The following KCNN2 variants were observed in gnomAD, a reference collection of about 807,000 sequenced individuals.
KCNN2 encodes small conductance calcium-activated potassium channel protein 2.
A neutral mutation model predicts 55.5 loss-of-function variants in KCNN2; 24 were observed. The observed-to-expected ratio is 0.43, with a 90% CI of 0.31 to 0.61. The LOEUF (loss-of-function observed/expected upper bound fraction) is 0.61. Among genes scored for constraint, KCNN2 ranks in the 20% least tolerant of loss-of-function variants. KCNN2 has a pLI of 0.08. For synonymous variants in KCNN2, 431 were observed against 336.1 expected (o/e 1.28, Z -3.09); for missense variants, 754 against 853.6 (o/e 0.88, Z 1.45).
intron 3 of KCNN2, among the ~76,000 whole-genome samples, chr5:114,456,927 G>C (rs72801852): frequency 0.27 from 40,853 of 152,110 alleles, 6,412 homozygotes; most frequent in East Asian, 0.6. Context: ...CAAATAAACT[G>C]TTTCTTGAGA....
intron 1 of KCNN2, among the ~76,000 whole-genome samples, chr5:114,211,101 C>T (rs1000592096): frequency 1.3e-5 from 2 of 152,082 alleles, no homozygotes; most frequent in African/African-American, 4.8e-5. Context: ...GACACTTATT[C>T]ACTGTTGGTG....
chr5:114,150,247 A>G (rs963869978), intron 1 of KCNN2, among the ~76,000 whole-genome samples: 1 of 152,142 alleles, frequency 6.6e-6, no homozygotes, highest in Non-Finnish European at 1.5e-5. Context: ...ACTTCAAACT[A>G]TACTACAAGG....
intron 1 of KCNN2, among the ~76,000 whole-genome samples, chr5:114,080,316 A>G (rs184608238): frequency 2.6e-5 from 4 of 152,338 alleles, no homozygotes; most frequent in Non-Finnish European, 4.4e-5. Context: ...TCCTAGCTTT[A>G]CAAAATGAGT....
intron 1 of KCNN2, among the ~76,000 whole-genome samples, chr5:114,106,916 G>A (rs1295438814): frequency 6.6e-6 from 1 of 151,890 alleles, no homozygotes; most frequent in East Asian, 1.9e-4. Flanking sequence ...TATGCTTGAT[G>A]CTATTTCTGT....
At chr5:114,384,004 TG>T (rs1758205358) in intron 2 of KCNN2, among the ~76,000 whole-genome samples, 1 of 152,188 alleles carries the variant, frequency 6.6e-6, no homozygotes, top group Non-Finnish European at 1.5e-5. Flanking sequence ...TCATCTACAT[TG>T]TAGTTCTTAT....
intron 1 of KCNN2, among the ~76,000 whole-genome samples, chr5:114,129,720 C>T (rs1752033079): frequency 6.6e-6 from 1 of 152,196 alleles, no homozygotes; most frequent in Non-Finnish European, 1.5e-5. Context: ...TATTGTGTGG[C>T]AGCAACCCAA....
chr5:114,132,168 C>T (rs1752084529), intron 1 of KCNN2, among the ~76,000 whole-genome samples: 1 of 152,154 alleles, frequency 6.6e-6, no homozygotes, highest in East Asian at 1.9e-4. Context: ...GCTTTTGTTG[C>T]AATTGCTTTT....
At chr5:114,167,153 C>G (rs1361143600) in intron 1 of KCNN2, among the ~76,000 whole-genome samples, 1 of 152,150 alleles carries the variant, frequency 6.6e-6, no homozygotes, top group Non-Finnish European at 1.5e-5. Flanking sequence ...AGTGAACTTT[C>G]AGATGATTTC....
intron 2 of KCNN2, among the ~76,000 whole-genome samples, chr5:114,339,209 A>G (rs767638654): frequency 2.6e-5 from 4 of 152,188 alleles, no homozygotes; most frequent in Admixed American, 1.3e-4. Flanking sequence ...CAAGCTGAGG[A>G]GTTGTGGCCC....
intron 1 of KCNN2, among the ~76,000 whole-genome samples, chr5:114,209,701 C>A (rs1002030005): frequency 6.6e-6 from 1 of 152,086 alleles, no homozygotes; most frequent in African/African-American, 2.4e-5. Flanking sequence ...AACTTTATAT[C>A]CAGGATTCCA....
chr5:114,369,985 A>G (rs1757715632), intron 2 of KCNN2, among the ~76,000 whole-genome samples: 1 of 152,154 alleles, frequency 6.6e-6, no homozygotes, highest in African/African-American at 2.4e-5. Context: ...AGTTATATTC[A>G]GTTAGGATAG....
At chr5:114,166,597 G>T (rs1393865362) in intron 1 of KCNN2, among the ~76,000 whole-genome samples, 2 of 152,088 alleles carry the variant, frequency 1.3e-5, no homozygotes, top group African/African-American at 4.8e-5. Context: ...CATAAAAGGT[G>T]GTACGGTTTT....
rs552610413 is a variant in KCNN2 at position 114,283,252 on chromosome 5, C to G, written c.-185+61687C>G. Among the ~76,000 whole-genome samples, 273 of 152,226 alleles carry G rather than the reference C, an allele frequency of 1.8e-3. 1 individual carries two copies. Among genetic ancestry groups the G allele is most frequent in the African/African-American group, 6.4e-3 (265 of 41,552 alleles). On this transcript the variant is annotated intron_variant, in intron 2 of 10. Transcript: ENST00000512097. ...TGTGTGTCCCATATTTTTGTTTCATCATGCTTCATTCCACATGGGTTCTTC... is the reference window on the plus strand; with the variant it reads ...TGTGTGTCCCATATTTTTGTTTCATGATGCTTCATTCCACATGGGTTCTTC...
chr5:114,406,720 A>G (rs965222933), intron 3 of KCNN2, among the ~76,000 whole-genome samples: 1 of 152,182 alleles, frequency 6.6e-6, no homozygotes, highest in Non-Finnish European at 1.5e-5. Context: ...TCTGACTTGC[A>G]TCTCTATCAT....
chr5:114,072,176 C>G (rs2632143), intron 1 of KCNN2, among the ~76,000 whole-genome samples: 5 of 151,896 alleles, frequency 3.3e-5, no homozygotes, highest in African/African-American at 7.3e-5. Context: ...CCTGTAGTCC[C>G]AGCTATTTGG....
chr5:114,113,411 T>A (rs1751643141), intron 1 of KCNN2, among the ~76,000 whole-genome samples: 1 of 151,966 alleles, frequency 6.6e-6, no homozygotes, highest in Non-Finnish European at 1.5e-5. Context: ...GAAGAAAAAG[T>A]CAAAGGTAGC....
At chr5:114,186,719 A>C (rs1753342006) in intron 1 of KCNN2, among the ~76,000 whole-genome samples, 1 of 152,112 alleles carries the variant, frequency 6.6e-6, no homozygotes, top group Admixed American at 6.5e-5. Context: ...AAATGGACTT[A>C]AGAAGAAATA....
chr5:114,464,105 T>C (rs1761334181), intron 4 of KCNN2, among the ~76,000 whole-genome samples: 1 of 152,150 alleles, frequency 6.6e-6, no homozygotes, highest in African/African-American at 2.4e-5. Flanking sequence ...CCTCATAGGC[T>C]CAGACATCTT....
intron 1 of KCNN2, among the ~76,000 whole-genome samples, chr5:114,079,844 TGA>T (rs370135875): frequency 0.05 from 7,438 of 148,652 alleles, 201 homozygotes; most frequent in Non-Finnish European, 0.06. Context: ...TGTGTGTGTG[TGA>T]GAGAGAGAGA....
Sources: allele counts gnomAD v4.1 joint callset (sites outside exome capture counted in the v4.1 genomes callset), GRCh38; gene constraint gnomAD v4.1.1; transcripts MANE v1.5; gene names NCBI Gene and HGNC (gene_info 2026-07-23, HGNC 2026-07-21).